INPP5A: variants seen among roughly 807,000 people sequenced by gnomAD.
INPP5A encodes 43 kDa inositol polyphosphate 5-phophatase.
In INPP5A, 14 loss-of-function variants were observed where a neutral mutation model predicts 65.2. That is an observed-to-expected ratio of 0.21 (90% CI 0.14 to 0.34). The LOEUF (loss-of-function observed/expected upper bound fraction) is 0.34, where lower values mean the gene tolerates loss of function less well. Among genes scored for constraint, INPP5A ranks in the 10% least tolerant of loss-of-function variants. The pLI is 1.00. For synonymous variants in INPP5A, 207 were observed against 208.3 expected (o/e 0.99, Z 0.05); for missense variants, 431 against 545.6 (o/e 0.79, Z 2.09).
At chr10:132,576,579 T>C (rs2071414174) in intron 1 of INPP5A, among the ~76,000 whole-genome samples, 1 of 152,188 alleles carries the variant, frequency 6.6e-6, no homozygotes, top group South Asian at 2.1e-4. Flanking sequence ...GGGCCTAAAC[T>C]GCACATGATA....
chr10:132,756,914 C>T (rs1017625720), intron 11 of INPP5A, among the ~76,000 whole-genome samples: 2 of 152,208 alleles, frequency 1.3e-5, no homozygotes, highest in East Asian at 1.9e-4. Flanking sequence ...AGGCTCATGT[C>T]TGTGTCGTTG....
At chr10:132,539,525 C>T (rs1169854393) in intron 1 of INPP5A, among the ~76,000 whole-genome samples, 2 of 152,166 alleles carry the variant, frequency 1.3e-5, no homozygotes, top group Non-Finnish European at 2.9e-5. Context: ...AGCTGAGGCC[C>T]AGGGCGCACT....
intron 1 of INPP5A, among the ~76,000 whole-genome samples, chr10:132,576,646 A>G (rs939473897): frequency 6.6e-6 from 1 of 152,210 alleles, no homozygotes; most frequent in African/African-American, 2.4e-5. Flanking sequence ...AGTGTTCTAA[A>G]TGATCTTGGA....
chr10:132,745,849 C>T (rs1255750402), intron 9 of INPP5A, among the ~76,000 whole-genome samples: 6 of 150,586 alleles, frequency 4.0e-5, no homozygotes, highest in East Asian at 2.0e-4. Context: ...ATGGTGGGCC[C>T]GGCCATGGTG....
intron 2 of INPP5A, among the ~76,000 whole-genome samples, chr10:132,632,072 TGG>T (rs2072282743): frequency 6.6e-6 from 1 of 152,248 alleles, no homozygotes; most frequent in South Asian, 2.1e-4. Flanking sequence ...CAGCCCTGCC[TGG>T]TAACCTGGGG....
chr10:132,655,621 T>C (rs1292960938), intron 4 of INPP5A, among the ~76,000 whole-genome samples: 1 of 152,234 alleles, frequency 6.6e-6, no homozygotes, highest in Non-Finnish European at 1.5e-5. Context: ...AAATTCATTT[T>C]CGTTTAACGT....
chr10:132,672,503 T>A (rs886612910), intron 4 of INPP5A, among the ~76,000 whole-genome samples: 1 of 152,146 alleles, frequency 6.6e-6, no homozygotes, highest in Admixed American at 6.5e-5. Flanking sequence ...AAGAGGAGTT[T>A]CCCTGCACAA....
intron 11 of INPP5A, 35 bp from the exon 12 acceptor site, chr10:132,765,738 A>T (rs1846830379): frequency 7.2e-7 from 1 of 1,386,868 alleles, no homozygotes; most frequent in East Asian, 2.3e-5. Flanking sequence ...AGGAAAACCA[A>T]TGTGACTTTA....
intron 2 of INPP5A, among the ~76,000 whole-genome samples, chr10:132,635,382 A>T (rs1590884004): frequency 3.0e-5 from 2 of 66,036 alleles, no homozygotes; most frequent in Non-Finnish European, 6.1e-5. Flanking sequence ...TTGCCTTTTT[A>T]AAGATTTTTT....
At chr10:132,743,463 T>C (rs59871262) in intron 9 of INPP5A, among the ~76,000 whole-genome samples, 1 of 150,400 alleles carries the variant, frequency 6.6e-6, no homozygotes, top group Non-Finnish European at 1.5e-5. Flanking sequence ...GGACCAGGCC[T>C]GGGAGTGAGG....
intron 4 of INPP5A, among the ~76,000 whole-genome samples, chr10:132,673,695 C>T (rs2072924509): frequency 6.6e-6 from 1 of 152,204 alleles, no homozygotes; most frequent in Non-Finnish European, 1.5e-5. Flanking sequence ...TTCTGTGAGT[C>T]CATGGATGGT....
intron 9 of INPP5A, among the ~76,000 whole-genome samples, chr10:132,739,915 G>A (rs1166949141): frequency 2.0e-5 from 3 of 152,228 alleles, no homozygotes; most frequent in South Asian, 2.1e-4. Context: ...ACGTTCGGGG[G>A]TGCCGCCTGT....
At chr10:132,721,719 C>T (rs1056682221) in intron 8 of INPP5A, among the ~76,000 whole-genome samples, 6 of 141,164 alleles carry the variant, frequency 4.3e-5, no homozygotes, top group African/African-American at 1.2e-4. Context: ...TCTGTCTGGG[C>T]GCCTTAGACT....
chr10:132,716,025 A>G (rs557598323), intron 8 of INPP5A, among the ~76,000 whole-genome samples: 1 of 152,342 alleles, frequency 6.6e-6, no homozygotes, highest in East Asian at 1.9e-4. Context: ...GCTGCCCGGC[A>G]GGAGGGGCTC....
chr10:132,735,922 G>A (rs937084860), intron 9 of INPP5A, among the ~76,000 whole-genome samples: 2 of 152,296 alleles, frequency 1.3e-5, no homozygotes, highest in South Asian at 4.1e-4. Context: ...GATTGGATCC[G>A]GGAGTCCTGC....
chr10:132,730,400 C>T (rs925234411), intron 9 of INPP5A, among the ~76,000 whole-genome samples: 1 of 152,256 alleles, frequency 6.6e-6, no homozygotes, highest in Non-Finnish European at 1.5e-5. Flanking sequence ...GCCGGGGCTG[C>T]GTGGGCAGCG....
At chr10:132,594,468 T>C (rs1025820352) in intron 1 of INPP5A, among the ~76,000 whole-genome samples, 2 of 152,080 alleles carry the variant, frequency 1.3e-5, no homozygotes, top group Non-Finnish European at 2.9e-5. Flanking sequence ...CGTGTGTGTG[T>C]AGGTGTGCCC....
At chr10:132,553,421 G>A (rs1396445983) in intron 1 of INPP5A, among the ~76,000 whole-genome samples, 1 of 145,126 alleles carries the variant, frequency 6.9e-6, no homozygotes, top group Non-Finnish European at 1.5e-5. Flanking sequence ...GAGTAGGATA[G>A]GGAGGGAGGA....
At chr10:132,645,762 C>A (rs2072485058) in intron 2 of INPP5A, 106 bp from the exon 3 acceptor site, 1 of 838,214 alleles carries the variant, frequency 1.2e-6, no homozygotes. Flanking sequence ...CCGTCTCTGC[C>A]AGACCCTGGT....
Sources: gnomAD v4.1 joint callset for allele counts (sites outside exome capture counted in the v4.1 genomes callset) on GRCh38, gnomAD v4.1.1 for gene constraint, MANE v1.5 for transcripts, NCBI Gene and HGNC (gene_info 2026-07-23, HGNC 2026-07-21) for gene names.